Variants in GYPC observed in about 807,000 individuals in gnomAD.
GYPC encodes glycophorin-C.
A neutral mutation model predicts 12.6 loss-of-function variants in GYPC; 14 were observed. That is an observed-to-expected ratio of 1.11 (90% CI 0.74 to 1.74). The LOEUF (loss-of-function observed/expected upper bound fraction) is 1.74. GYPC is among the 40% of genes most tolerant of loss of function. The pLI is 0.00. For synonymous variants in GYPC, 78 were observed against 62.1 expected (o/e 1.26, Z -1.20); for missense variants, 225 against 172.1 (o/e 1.31, Z -1.72).
chr2:126,672,795 C>G (rs1682886707), intron 1 of GYPC, among the ~76,000 whole-genome samples: 1 of 152,092 alleles, frequency 6.6e-6, no homozygotes, highest in South Asian at 2.1e-4. Flanking sequence ...GCCACCTAAC[C>G]TGGGGGAGGA....
chr2:126,665,644 G>T (rs2104774423), intron 1 of GYPC, among the ~76,000 whole-genome samples: 1 of 152,308 alleles, frequency 6.6e-6, no homozygotes, highest in East Asian at 1.9e-4. Context: ...ACCTCAGATG[G>T]GGGCCCAAGG....
chr2:126,673,645 C>T (rs568189444), intron 1 of GYPC, among the ~76,000 whole-genome samples: 4 of 152,214 alleles, frequency 2.6e-5, no homozygotes, highest in Non-Finnish European at 5.9e-5. Context: ...CAACCTCTGT[C>T]CCCCACAGAT....
intron 1 of GYPC, chr2:126,685,755 C>T: frequency 1.0e-6 from 1 of 983,852 alleles, no homozygotes; most frequent in Non-Finnish European, 1.2e-6. Flanking sequence ...GCCACAGCAC[C>T]TGGCCAACTG....
intron 1 of GYPC, among the ~76,000 whole-genome samples, chr2:126,681,686 A>G (rs1047804471): frequency 6.6e-6 from 1 of 151,824 alleles, no homozygotes; most frequent in African/African-American, 2.4e-5. Context: ...CTGTTGTGCC[A>G]CCGGGTTTTA....
chr2:126,683,657 G>A (rs1197495286), intron 1 of GYPC, among the ~76,000 whole-genome samples: 6 of 152,212 alleles, frequency 3.9e-5, no homozygotes, highest in Admixed American at 6.5e-5. Context: ...GGCTCAGGGC[G>A]AGTAACAGGG....
At chr2:126,691,163 T>C (rs1558892347) in intron 2 of GYPC, among the ~76,000 whole-genome samples, 1 of 152,218 alleles carries the variant, frequency 6.6e-6, no homozygotes, top group Non-Finnish European at 1.5e-5. Flanking sequence ...AGACTTTCCA[T>C]ATTCTTCAGC....
chr2:126,682,813 C>G (rs28387180), intron 1 of GYPC, among the ~76,000 whole-genome samples: 290 of 152,270 alleles, frequency 1.9e-3, no homozygotes, highest in Middle Eastern at 3.4e-3. Context: ...CCAGACACCC[C>G]CTCCAGTCCC....
intron 1 of GYPC, among the ~76,000 whole-genome samples, chr2:126,661,581 T>C (rs1682538785): frequency 6.6e-6 from 1 of 151,840 alleles, no homozygotes. Context: ...GCCTGCCGAG[T>C]AGCTGGGATT....
chr2:126,656,380 C>A, intron 1 of GYPC, 68 bp downstream of exon 1: 2 of 1,385,422 alleles, frequency 1.4e-6, no homozygotes, highest in Non-Finnish European at 2.0e-6. Context: ...CAGCCAGGGG[C>A]CGAGCCACGG....
At chr2:126,692,354 G>T (rs1683498178) in intron 2 of GYPC, among the ~76,000 whole-genome samples, 1 of 152,150 alleles carries the variant, frequency 6.6e-6, no homozygotes, top group African/African-American at 2.4e-5. Flanking sequence ...CTAGCTGGGA[G>T]TCTGTTTTCC....
chr2:126,670,032 C>T (rs1682800170), intron 1 of GYPC, among the ~76,000 whole-genome samples: 1 of 152,230 alleles, frequency 6.6e-6, no homozygotes, highest in Non-Finnish European at 1.5e-5. Flanking sequence ...TGGCCTCTCA[C>T]TGCCCTGCCT....
rs561061742 is a variant in GYPC at position 126,660,245 on chromosome 2, A to G, written c.49+3933A>G. On this transcript the variant is annotated intron_variant, in intron 1 of 3. Coordinates refer to ENST00000259254, the MANE Select transcript of GYPC (RefSeq NM_002101.5). The stretch of plus-strand genomic sequence containing the variant: ...AGCTCCTCAGCCGGGCCTGTGTCCC[A>G]CCCCAGTCCACCGTTGTGTCCATGC... Among the ~76,000 whole-genome samples the G allele has an allele frequency of 2.0e-5, 3 of 152,146 alleles. No individual in the cohort carries two copies. The East Asian group carries it at 5.8e-4, about 29-fold the overall frequency.
intron 1 of GYPC, among the ~76,000 whole-genome samples, chr2:126,682,219 A>G (rs902753700): frequency 6.6e-6 from 1 of 152,184 alleles, no homozygotes; most frequent in East Asian, 1.9e-4. Flanking sequence ...TTGGAGAAGC[A>G]TTTCCCTGCT....
chr2:126,683,654 G>A (rs924635138), intron 1 of GYPC, among the ~76,000 whole-genome samples: 3 of 152,166 alleles, frequency 2.0e-5, no homozygotes, highest in Non-Finnish European at 2.9e-5. Flanking sequence ...TAAGGCTCAG[G>A]GCGAGTAACA....
chr2:126,669,189 G>T (rs549882068), intron 1 of GYPC, among the ~76,000 whole-genome samples: 37 of 152,320 alleles, frequency 2.4e-4, no homozygotes, highest in African/African-American at 8.9e-4. Flanking sequence ...TCTGGAGAAT[G>T]AATTGGTAAA....
chr2:126,663,849 A>G (rs1682606766), intron 1 of GYPC, among the ~76,000 whole-genome samples: 1 of 151,872 alleles, frequency 6.6e-6, no homozygotes, highest in Admixed American at 6.6e-5. Context: ...CCTGGCCCTC[A>G]TGCGCTCTAC....
chr2:126,677,506 AGT>A (rs748891349), intron 1 of GYPC, among the ~76,000 whole-genome samples: 12 of 136,724 alleles, frequency 8.8e-5, no homozygotes, highest in East Asian at 2.2e-4. Flanking sequence ...TGTGTATGAG[AGT>A]GTGTGTGAGT....
chr2:126,688,235 C>A (rs900113936), intron 1 of GYPC, among the ~76,000 whole-genome samples: 1 of 152,208 alleles, frequency 6.6e-6, no homozygotes, highest in Non-Finnish European at 1.5e-5. Context: ...ATAAGAAATG[C>A]TGGTCTTTAC....
intron 1 of GYPC, among the ~76,000 whole-genome samples, chr2:126,669,449 G>A (rs28387125): frequency 0.32 from 47,902 of 151,890 alleles, 8,876 homozygotes; most frequent in Non-Finnish European, 0.43. Context: ...TCATATGTGC[G>A]GAAACTGGGG....
Sources: allele counts gnomAD v4.1 joint callset (sites outside exome capture counted in the v4.1 genomes callset), GRCh38; gene constraint gnomAD v4.1.1; transcripts MANE v1.5; gene names NCBI Gene and HGNC (gene_info 2026-07-23, HGNC 2026-07-21).